Variants in DNAH2 observed in about 807,000 individuals in gnomAD.
DNAH2 encodes axonemal beta dynein heavy chain 2.
DNAH2 carries 323 observed loss-of-function variants against 523.5 expected under a neutral mutation model. That is an observed-to-expected ratio of 0.62 (90% CI 0.56 to 0.68). The LOEUF (loss-of-function observed/expected upper bound fraction) is 0.68. DNAH2 is among the 30% of genes least tolerant of loss of function. DNAH2 has a pLI of 0.00. For synonymous variants in DNAH2, 2,093 were observed against 2,177.4 expected (o/e 0.96, Z 1.08); for missense variants, 4,907 against 5,701.5 (o/e 0.86, Z 4.49).
At chr17:7,741,266 C>CTTTG (rs2075317101) in intron 11 of DNAH2, among the ~76,000 whole-genome samples, 1 of 47,054 alleles carries the variant, frequency 2.1e-5, no homozygotes, top group Non-Finnish European at 3.7e-5. Context: ...TTCTTTCTTT[C>CTTTG]TTTCTTTCTT....
chr17:7,826,170 C>T (rs62059711), intron 77 of DNAH2, among the ~76,000 whole-genome samples: 14,459 of 152,270 alleles, frequency 0.095, 920 homozygotes, highest in Non-Finnish European at 0.15. Context: ...CAGGTGTGCG[C>T]CACTACGCCC....
intron 77 of DNAH2, among the ~76,000 whole-genome samples, chr17:7,825,391 A>G (rs1469424912): frequency 6.6e-6 from 1 of 152,226 alleles, no homozygotes; most frequent in Non-Finnish European, 1.5e-5. Context: ...ACCAGTATGT[A>G]TCATCCTCAA....
intron 9 of DNAH2, 45 bp from the exon 10 acceptor site, chr17:7,740,375 G>A (rs777076633): frequency 6.2e-7 from 1 of 1,607,816 alleles, no homozygotes; most frequent in Admixed American, 1.7e-5. Context: ...GGAGTTGGGG[G>A]CAGGCGAGGG....
chr17:7,720,866 G>C (rs1025801689), intron 2 of DNAH2, among the ~76,000 whole-genome samples: 1 of 152,110 alleles, frequency 6.6e-6, no homozygotes, highest in Admixed American at 6.6e-5. Context: ...AGTAGGGGAA[G>C]ATGGGAGGGA....
Position 7,773,771 on chromosome 17 carries a change from C to T in DNAH2, c.4502-988C>T, listed in dbSNP as rs2076380151. 2.6e-5 allele frequency among the ~76,000 whole-genome samples: 4 copies of T among 152,182 alleles called. No individual in the cohort carries two copies. The South Asian group carries it at 8.3e-4, about 32-fold the overall frequency. Reference sequence around the variant, plus strand: ...TTGAGACGGAGTCTCGCTCTGTCGCCCAGGCTGGAGTGCGGTGGCACAATC... The same window carrying T: ...TTGAGACGGAGTCTCGCTCTGTCGCTCAGGCTGGAGTGCGGTGGCACAATC... On this transcript the variant is annotated intron_variant, in intron 28 of 85. Coordinates refer to ENST00000572933, the MANE Select transcript of DNAH2 (RefSeq NM_020877.5).
intron 4 of DNAH2, 96 bp downstream of exon 4, chr17:7,727,388 C>G: frequency 6.8e-7 from 1 of 1,481,332 alleles, no homozygotes; most frequent in Non-Finnish European, 9.0e-7. Flanking sequence ...TCTCCTGTGC[C>G]CACGGCCTAT....
intron 13 of DNAH2, among the ~76,000 whole-genome samples, chr17:7,757,529 C>T (rs779626304): frequency 2.0e-5 from 3 of 152,258 alleles, no homozygotes; most frequent in South Asian, 2.1e-4. Flanking sequence ...AGGAATGAGA[C>T]GGGCTGGCAT....
chr17:7,815,731 G>C (rs867772308), intron 63 of DNAH2, among the ~76,000 whole-genome samples: 7 of 151,362 alleles, frequency 4.6e-5, no homozygotes, highest in Middle Eastern at 3.4e-3. Flanking sequence ...CACGTATACG[G>C]GATCACACAC....
chr17:7,765,044 C>T (rs957305806), intron 20 of DNAH2, among the ~76,000 whole-genome samples: 7 of 152,052 alleles, frequency 4.6e-5, no homozygotes, highest in Non-Finnish European at 1.0e-4. Flanking sequence ...CAGGCGTGAG[C>T]CACCACACCC....
intron 2 of DNAH2, among the ~76,000 whole-genome samples, chr17:7,723,337 AT>A (rs1389195239): frequency 2.2e-5 from 3 of 135,076 alleles, no homozygotes; most frequent in Admixed American, 8.5e-5. Context: ...CAGTGGCACG[AT>A]TATGGCTCAC....
intron 39 of DNAH2, among the ~76,000 whole-genome samples, chr17:7,785,650 G>A (rs538974873): frequency 1.3e-5 from 2 of 152,276 alleles, no homozygotes; most frequent in East Asian, 3.9e-4. Flanking sequence ...GGTTCTTCAA[G>A]CATTACTTTT....
chr17:7,757,792 G>A (rs1226626302), intron 13 of DNAH2, among the ~76,000 whole-genome samples: 1 of 152,226 alleles, frequency 6.6e-6, no homozygotes. Context: ...CAGATTTGGT[G>A]TCTGGTGAGG....
chr17:7,745,432 C>T (rs2075488361), intron 12 of DNAH2, among the ~76,000 whole-genome samples: 1 of 152,120 alleles, frequency 6.6e-6, no homozygotes, highest in Non-Finnish European at 1.5e-5. Context: ...GTGACAAAAT[C>T]ATCTGTACAA....
At chr17:7,752,727 G>A (rs1009831924) in intron 12 of DNAH2, among the ~76,000 whole-genome samples, 5 of 152,004 alleles carry the variant, frequency 3.3e-5, no homozygotes, top group African/African-American at 1.2e-4. Context: ...AAAAAAAATT[G>A]TATGTTCAGT....
chr17:7,775,713 A>C (rs1165117365), intron 30 of DNAH2, among the ~76,000 whole-genome samples: 1 of 151,504 alleles, frequency 6.6e-6, no homozygotes, highest in African/African-American at 2.4e-5. Flanking sequence ...AAGAAAAAAA[A>C]AAAAAAAGAA....
At chr17:7,733,845 A>G (rs1276773044) in intron 5 of DNAH2, among the ~76,000 whole-genome samples, 1 of 152,052 alleles carries the variant, frequency 6.6e-6, no homozygotes, top group Non-Finnish European at 1.5e-5. Flanking sequence ...GCTTCAACTT[A>G]GACTTGGAAA....
At chr17:7,792,537 C>T (rs1481096892) in intron 46 of DNAH2, 120 bp from the exon 47 acceptor site, 1 of 1,011,894 alleles carries the variant, frequency 9.9e-7, no homozygotes, top group Non-Finnish European at 1.5e-6. Context: ...GCACATGATC[C>T]CCAGGCCCCA....
At chr17:7,770,672 G>A (rs761163881) in intron 26 of DNAH2, 33 bp downstream of exon 26, 2 of 1,613,886 alleles carry the variant, frequency 1.2e-6, no homozygotes, top group Non-Finnish European at 1.7e-6. Flanking sequence ...GAGAATGGAG[G>A]GCTGTGTGAC....
chr17:7,805,927 C>T (rs2077355335), intron 61 of DNAH2, among the ~76,000 whole-genome samples: 1 of 151,948 alleles, frequency 6.6e-6, no homozygotes, highest in African/African-American at 2.4e-5. Context: ...TTTCTTTTCA[C>T]TAAAAAGAGA....
Sources: allele counts gnomAD v4.1 joint callset (sites outside exome capture counted in the v4.1 genomes callset), GRCh38; gene constraint gnomAD v4.1.1; transcripts MANE v1.5; gene names NCBI Gene and HGNC (gene_info 2026-07-23, HGNC 2026-07-21).